CAST: variants seen among roughly 807,000 people sequenced by gnomAD.
CAST encodes calpastatin.
A neutral mutation model predicts 119.6 loss-of-function variants in CAST; 76 were observed. That is an observed-to-expected ratio of 0.64 (90% CI 0.53 to 0.77). CAST has a LOEUF of 0.77. Ranked by LOEUF, CAST falls within the 30% of genes least tolerant of loss-of-function variation. CAST has a pLI of 0.00. For synonymous variants in CAST, 319 were observed against 331.6 expected, an observed-to-expected ratio of 0.96 and a Z score of 0.41; for missense variants, 953 against 946.5, an observed-to-expected ratio of 1.01 and a Z score of -0.09.
At chr5:95,961,495 G>T in the CAST span, 1 of 1,351,512 alleles carries the variant, frequency 7.4e-7, no homozygotes, top group Middle Eastern at 2.6e-4. Flanking sequence ...CGGCTCCGCC[G>T]GCCCCGCACC....
intron 1 of CAST, among the ~76,000 whole-genome samples, chr5:96,626,713 A>G (rs261235): frequency 0.89 from 135,833 of 152,164 alleles, 60,708 homozygotes; most frequent in East Asian, 0.95. Context: ...AATTTTCTTC[A>G]TGACAGTTTT....
chr5:96,255,573 T>C, the CAST span, among the ~76,000 whole-genome samples: 2 of 152,148 alleles, frequency 1.3e-5, no homozygotes, highest in African/African-American at 4.8e-5. Flanking sequence ...AACTTTTTTT[T>C]TGTCTTGTCT....
chr5:96,030,577 A>T, the CAST span, among the ~76,000 whole-genome samples: 1 of 152,174 alleles, frequency 6.6e-6, no homozygotes, highest in Admixed American at 6.6e-5. Context: ...TATTATTTGC[A>T]GCCCCTTTAA....
At chr5:96,714,240 G>A (rs1160818910) in intron 3 of CAST, among the ~76,000 whole-genome samples, 10 of 152,196 alleles carry the variant, frequency 6.6e-5, no homozygotes, top group Admixed American at 5.9e-4. Flanking sequence ...CAGCCTGCCT[G>A]TAGTTGTGCA....
chr5:96,110,352 A>C, the CAST span, among the ~76,000 whole-genome samples: 3 of 152,198 alleles, frequency 2.0e-5, no homozygotes, highest in Non-Finnish European at 4.4e-5. Context: ...ATAGTTTCAA[A>C]ATCAATCAAT....
chr5:96,081,152 T>C, the CAST span, among the ~76,000 whole-genome samples: 1 of 152,098 alleles, frequency 6.6e-6, no homozygotes, highest in African/African-American at 2.4e-5. Flanking sequence ...AAAGGTTGAG[T>C]TGACACTGTG....
At chr5:96,177,138 C>T in the CAST span, among the ~76,000 whole-genome samples, 2 of 152,094 alleles carry the variant, frequency 1.3e-5, no homozygotes, top group African/African-American at 4.8e-5. Context: ...AATTATCCCT[C>T]ATTAAAAAAT....
At chr5:96,615,283 A>G (rs7731596) in intron 1 of CAST, among the ~76,000 whole-genome samples, 3,397 of 152,242 alleles carry the variant, frequency 0.022, 133 homozygotes, top group African/African-American at 0.069. Flanking sequence ...AATATTTTCT[A>G]TTTCCAGTAA....
At chr5:96,362,283 G>A in the CAST span, among the ~76,000 whole-genome samples, 222 of 152,218 alleles carry the variant, frequency 1.5e-3, 1 homozygote, top group Middle Eastern at 3.4e-3. Flanking sequence ...GAACAGTGCC[G>A]CAATAAACAT....
chr5:96,139,104 C>T, the CAST span, among the ~76,000 whole-genome samples: 2 of 151,938 alleles, frequency 1.3e-5, no homozygotes, highest in African/African-American at 2.4e-5. Context: ...CTCCTCTATT[C>T]CTGGTTTGCT....
chr5:96,740,013 C>T (rs759308261), intron 11 of CAST, 25 bp from the exon 12 acceptor site: 1 of 1,108,172 alleles, frequency 9.0e-7, no homozygotes, highest in South Asian at 1.3e-5. Flanking sequence ...TATATAATAT[C>T]CCTATGTGTA....
At chr5:96,412,535 A>C in the CAST span, 1 of 1,540,560 alleles carries the variant, frequency 6.5e-7, no homozygotes, top group Non-Finnish European at 9.0e-7. Context: ...TGATGTCAGT[A>C]TGTACATGGA....
the CAST span, chr5:96,408,218 CT>C: frequency 6.2e-7 from 1 of 1,608,374 alleles, no homozygotes; most frequent in South Asian, 1.1e-5. Flanking sequence ...CTTTCTGGGC[CT>C]TACTTTGCTT....
the CAST span, among the ~76,000 whole-genome samples, chr5:96,457,577 C>T: frequency 8.1e-4 from 124 of 152,332 alleles, 1 homozygote; most frequent in East Asian, 7.3e-3. Context: ...ACTAAACTCA[C>T]TCCTACCTCA....
At chr5:96,017,904 A>G in the CAST span, among the ~76,000 whole-genome samples, 1 of 152,172 alleles carries the variant, frequency 6.6e-6, no homozygotes, top group Admixed American at 6.5e-5. Flanking sequence ...TATATAGGGT[A>G]TGTTTATTTT....
the CAST span, among the ~76,000 whole-genome samples, chr5:96,222,226 A>G: frequency 6.6e-6 from 1 of 152,148 alleles, no homozygotes; most frequent in South Asian, 2.1e-4. Context: ...TAAGACCTCA[A>G]AAGCACAGCC....
At chr5:96,352,871 C>G in the CAST span, among the ~76,000 whole-genome samples, 22 of 152,270 alleles carry the variant, frequency 1.4e-4, no homozygotes, top group African/African-American at 4.6e-4. Context: ...CCCCCTTGCT[C>G]TCTCTCCTGC....
chr5:96,399,531 C>A, the CAST span, among the ~76,000 whole-genome samples: 1 of 152,156 alleles, frequency 6.6e-6, no homozygotes, highest in Non-Finnish European at 1.5e-5. Flanking sequence ...ATGAATCACA[C>A]AGCACTGTGG....
intron 1 of CAST, among the ~76,000 whole-genome samples, chr5:96,557,493 A>C (rs1201979046): frequency 1.3e-5 from 2 of 152,074 alleles, no homozygotes; most frequent in Non-Finnish European, 2.9e-5. Context: ...CACAGGCTCA[A>C]AATAAAGGGA....
Sources: allele counts gnomAD v4.1 joint callset (sites outside exome capture counted in the v4.1 genomes callset), GRCh38; gene constraint gnomAD v4.1.1; transcripts MANE v1.5; gene names NCBI Gene and HGNC (gene_info 2026-07-23, HGNC 2026-07-21).